GPBP1L1: variants seen among roughly 807,000 people sequenced by gnomAD.
The protein encoded by GPBP1L1 is GC-rich promoter binding protein 1 like 1.
In GPBP1L1, 23 loss-of-function variants were observed where a neutral mutation model predicts 52.5. That is an observed-to-expected ratio of 0.44 (90% CI 0.32 to 0.62). The LOEUF (loss-of-function observed/expected upper bound fraction) is 0.62. GPBP1L1 is among the 20% of genes least tolerant of loss of function. The pLI is 0.06. For missense variants in GPBP1L1, 596 were observed against 579.3 expected (o/e 1.03, Z -0.30); for synonymous variants, 243 against 203.1 (o/e 1.20, Z -1.67).
intron 6 of GPBP1L1, among the ~76,000 whole-genome samples, chr1:45,652,601 A>C (rs1644831920): frequency 6.6e-6 from 1 of 152,164 alleles, no homozygotes; most frequent in African/African-American, 2.4e-5. Context: ...TATTAGATAT[A>C]CTCTAAATAT....
intron 2 of GPBP1L1, among the ~76,000 whole-genome samples, chr1:45,683,457 G>A (rs1332186257): frequency 6.6e-6 from 1 of 150,628 alleles, no homozygotes; most frequent in Non-Finnish European, 1.5e-5. Context: ...CGCCCGCCTC[G>A]GCCTCCCAAA....
chr1:45,638,201 C>G (rs1644620758), intron 8 of GPBP1L1, among the ~76,000 whole-genome samples: 1 of 152,178 alleles, frequency 6.6e-6, no homozygotes, highest in African/African-American at 2.4e-5. Flanking sequence ...TGATCTCTTC[C>G]AAGTACAGTT....
rs531969048 is a variant in GPBP1L1, at chr1:45,627,797, C to A, written c.*459G>T. ...TTAAGGGCTAAAGTTACCCGAGCAG[C>A]CAAAAATAAAATAAAATATCCAAAT... On this transcript the variant is annotated 3_prime_UTR_variant, in exon 13 of 13. Coordinates refer to ENST00000355105, the MANE Select transcript of GPBP1L1 (RefSeq NM_021639.5). 5 of 152,176 alleles carry A rather than the reference C, an allele frequency of 3.3e-5. No homozygotes were observed. The highest frequency in any genetic ancestry group is 1.2e-4 in the African/African-American group (5 of 41,426). The allele number at this position is 152,176 out of a possible 1,614,324, so 9.4% of individuals were successfully genotyped here.
intron 6 of GPBP1L1, among the ~76,000 whole-genome samples, chr1:45,643,817 G>A (rs545616733): frequency 2.0e-5 from 3 of 151,656 alleles, no homozygotes; most frequent in East Asian, 1.9e-4. Flanking sequence ...TTACAGGTGC[G>A]CACCACCACA....
chr1:45,668,832 G>C (rs1645041184), intron 2 of GPBP1L1, among the ~76,000 whole-genome samples: 1 of 140,300 alleles, frequency 7.1e-6, no homozygotes, highest in Non-Finnish European at 1.6e-5. Context: ...ACTTAGCCAG[G>C]CATGGTGGTG....
At chr1:45,661,703 T>C (rs1644949201) in intron 2 of GPBP1L1, among the ~76,000 whole-genome samples, 1 of 152,202 alleles carries the variant, frequency 6.6e-6, no homozygotes, top group African/African-American at 2.4e-5. Context: ...TCCGCCCACC[T>C]TGGCCTCCCA....
At chr1:45,651,137 C>A in intron 6 of GPBP1L1, 1 of 500,566 alleles carries the variant, frequency 2.0e-6, no homozygotes, top group South Asian at 1.5e-5. Flanking sequence ...CAGATCTCAT[C>A]GTATCTGTCA....
At chr1:45,646,154 G>A (rs1049965895) in intron 6 of GPBP1L1, 1 of 378,060 alleles carries the variant, frequency 2.6e-6, no homozygotes, top group Non-Finnish European at 5.1e-6. Context: ...TTCGGCATTG[G>A]TGATACTCTT....
At chr1:45,649,540 T>G (rs562076530) in intron 6 of GPBP1L1, among the ~76,000 whole-genome samples, 1 of 152,242 alleles carries the variant, frequency 6.6e-6, no homozygotes, top group African/African-American at 2.4e-5. Flanking sequence ...AATTTGGGCT[T>G]GTCTGAGGTC....
chr1:45,646,910 G>A (rs773226491), intron 6 of GPBP1L1, among the ~76,000 whole-genome samples: 4 of 151,974 alleles, frequency 2.6e-5, no homozygotes, highest in Non-Finnish European at 5.9e-5. Context: ...TGGGGGCGGG[G>A]TGGGAAGATC....
intron 2 of GPBP1L1, among the ~76,000 whole-genome samples, chr1:45,673,204 G>A (rs10430105): frequency 0.28 from 43,101 of 152,026 alleles, 6,244 homozygotes; most frequent in South Asian, 0.36. Flanking sequence ...AGCAGAACAC[G>A]TGGGTACTAA....
chr1:45,646,048 CA>C, intron 6 of GPBP1L1: 1 of 498,336 alleles, frequency 2.0e-6, no homozygotes, highest in South Asian at 1.5e-5. Flanking sequence ...TCAATGATTT[CA>C]AATTTGCCAA....
intron 6 of GPBP1L1, chr1:45,651,627 C>A: frequency 1.5e-6 from 1 of 685,918 alleles, no homozygotes; most frequent in Non-Finnish European, 2.7e-6. Context: ...TAGAGGATGG[C>A]TCTCTGCTGC....
Position 45,630,713 on chromosome 1 carries a change from A to G in GPBP1L1, c.1045-107T>C, listed in dbSNP as rs563616704. ...CGACCCAGGAAGTGTTTTCCAAAAG[A>G]CAGCCTCAGCCCACAGATTTTTTTC... On this transcript the variant is annotated intron_variant, in intron 10 of 12. Transcript: ENST00000355105. 90 of 1,274,290 alleles carry G rather than the reference A, an allele frequency of 7.1e-5. 1 individual carries two copies. The East Asian group carries it at 2.1e-3, about 30-fold the overall frequency. 78.9% of individuals were successfully genotyped at this position (1,274,290 alleles called of 1,614,324 possible). A position where few individuals can be genotyped will look rare whatever the true frequency, so the allele number is the denominator to read the frequency against.
chr1:45,677,333 C>T lies in GPBP1L1; in HGVS notation c.-1098+8243G>A, dbSNP rs549916398. On this transcript the variant is annotated intron_variant, in intron 2 of 12. Transcript: ENST00000355105. Reference sequence around the variant, plus strand: ...CCAGCCTGGGTGACAGAGGAAGATTCGTCTCAGGAAAAAAAAAAAAAAAAA... The same window carrying T: ...CCAGCCTGGGTGACAGAGGAAGATTTGTCTCAGGAAAAAAAAAAAAAAAAA... Among the ~76,000 whole-genome samples the T allele has an allele frequency of 6.7e-3, 902 of 134,254 alleles. 8 individuals carry two copies. The highest frequency in any genetic ancestry group is 0.025 in the African/African-American group (868 of 34,792). 88.1% of individuals were successfully genotyped at this position (134,254 alleles called of 152,430 possible).
chr1:45,634,391 G>A (rs566300902), intron 8 of GPBP1L1, 155 bp from the exon 9 acceptor site: 11 of 665,446 alleles, frequency 1.7e-5, no homozygotes, highest in East Asian at 8.5e-5. Flanking sequence ...AACCTCTTTC[G>A]GAGGTTAGGC....
chr1:45,657,029 T>A (rs1256483500), intron 4 of GPBP1L1, among the ~76,000 whole-genome samples: 2 of 152,150 alleles, frequency 1.3e-5, no homozygotes, highest in Non-Finnish European at 2.9e-5. Context: ...TCCTTTTATG[T>A]CTATCATTAT....
At chr1:45,634,429 C>T in intron 8 of GPBP1L1, 193 bp from the exon 9 acceptor site, 1 of 483,980 alleles carries the variant, frequency 2.1e-6, no homozygotes, top group Non-Finnish European at 3.6e-6. Flanking sequence ...AGATGGGATA[C>T]AGAAGAGCCA....
intron 6 of GPBP1L1, among the ~76,000 whole-genome samples, chr1:45,650,832 T>G (rs2148462233): frequency 6.6e-6 from 1 of 152,330 alleles, no homozygotes; most frequent in South Asian, 2.1e-4. Flanking sequence ...TCAACTATTA[T>G]CTCTATTTTC....
Sources: gnomAD v4.1 joint callset for allele counts (sites outside exome capture counted in the v4.1 genomes callset) on GRCh38, gnomAD v4.1.1 for gene constraint, MANE v1.5 for transcripts, NCBI Gene and HGNC (gene_info 2026-07-23, HGNC 2026-07-21) for gene names.